The following ERBB4 variants were observed in gnomAD, a reference collection of about 807,000 sequenced individuals.
The protein encoded by ERBB4 is receptor tyrosine-protein kinase erbB-4.
In ERBB4, 42 loss-of-function variants were observed where a neutral mutation model predicts 158.0. The observed-to-expected ratio is 0.27, with a 90% CI of 0.21 to 0.34. ERBB4 has a LOEUF of 0.34. Among genes scored for constraint, ERBB4 ranks in the 10% least tolerant of loss-of-function variants. The probability of loss-of-function intolerance (pLI) is 1.00; values close to 1 mark genes in which losing one functional copy is unlikely to be tolerated. For missense variants in ERBB4, 1,333 were observed against 1,624.1 expected, an observed-to-expected ratio of 0.82 and a Z score of 3.08; for synonymous variants, 583 against 558.7, an observed-to-expected ratio of 1.04 and a Z score of -0.61.
intron 1 of ERBB4, among the ~76,000 whole-genome samples, chr2:212,191,585 TATATATAACAC>T (rs1559701608): frequency 7.0e-6 from 1 of 143,838 alleles, no homozygotes; most frequent in Non-Finnish European, 1.5e-5. Flanking sequence ...TTATGCCTGT[TATATATAACAC>T]ATGTGTTATG....
intron 20 of ERBB4, among the ~76,000 whole-genome samples, chr2:211,534,026 T>TA (rs2066576834): frequency 6.6e-6 from 1 of 152,124 alleles, no homozygotes; most frequent in African/African-American, 2.4e-5. Context: ...ACTAATTATA[T>TA]ATCATTGCTA....
rs1203877431 is a variant in ERBB4, at chr2:211,861,113, ATATATATATTT to A, written c.422-72965_422-72955del. Among the ~76,000 whole-genome samples the A allele has an allele frequency of 3.2e-3, 96 of 30,116 alleles. 8 individuals carry two copies. The highest frequency in any genetic ancestry group is 0.013 in the African/African-American group (90 of 6,760). 19.8% of individuals were successfully genotyped at this position (30,116 alleles called of 152,430 possible). On this transcript the variant is annotated intron_variant, in intron 3 of 27. Coordinates refer to ENST00000342788, the MANE Select transcript of ERBB4 (RefSeq NM_005235.3). The stretch of plus-strand genomic sequence containing the variant: ...ATATATAAATACATTATATATATTT[ATATATATATTT>A]TATATATATATATATATATATATAT...
chr2:212,500,046 T>G (rs1690799118), intron 1 of ERBB4, among the ~76,000 whole-genome samples: 2 of 152,100 alleles, frequency 1.3e-5, no homozygotes, highest in South Asian at 4.1e-4. Context: ...TATAATCCCT[T>G]TCCCCGGAAT....
intron 3 of ERBB4, among the ~76,000 whole-genome samples, chr2:211,872,215 T>A (rs1172789548): frequency 2.0e-5 from 3 of 152,244 alleles, no homozygotes; most frequent in Non-Finnish European, 2.9e-5. Context: ...AGGGTTAGTA[T>A]TTGATCTTGT....
intron 1 of ERBB4, among the ~76,000 whole-genome samples, chr2:212,470,247 T>C (rs1689048799): frequency 6.6e-6 from 1 of 152,092 alleles, no homozygotes; most frequent in Admixed American, 6.6e-5. Context: ...ATTATGTTCT[T>C]ACAACACATC....
chr2:211,562,536 G>C (rs1473353995), intron 19 of ERBB4, among the ~76,000 whole-genome samples: 2 of 151,914 alleles, frequency 1.3e-5, no homozygotes, highest in Non-Finnish European at 2.9e-5. Context: ...TTGGTGTAGA[G>C]TTGGACAGCT....
At chr2:211,568,115 T>C (rs1404613865) in intron 19 of ERBB4, among the ~76,000 whole-genome samples, 2 of 151,320 alleles carry the variant, frequency 1.3e-5, no homozygotes, top group African/African-American at 2.4e-5. Flanking sequence ...TTATTCTGTC[T>C]TTTTTTTCCT....
intron 19 of ERBB4, among the ~76,000 whole-genome samples, chr2:211,610,169 G>T (rs1228011367): frequency 6.6e-6 from 1 of 151,740 alleles, no homozygotes. Flanking sequence ...AGATACATAT[G>T]TCTTTTTATT....
chr2:211,880,033 C>A (rs1326254021), intron 3 of ERBB4, among the ~76,000 whole-genome samples: 1 of 150,894 alleles, frequency 6.6e-6, no homozygotes, highest in East Asian at 1.9e-4. Flanking sequence ...AACATATAGT[C>A]TCATAAGTAC....
At chr2:211,801,838 T>A (rs1212729693) in intron 3 of ERBB4, among the ~76,000 whole-genome samples, 1 of 152,222 alleles carries the variant, frequency 6.6e-6, no homozygotes, top group Non-Finnish European at 1.5e-5. Context: ...AGGGCATGTG[T>A]TTATATAGTT....
intron 1 of ERBB4, among the ~76,000 whole-genome samples, chr2:212,211,182 C>G (rs1483105171): frequency 6.6e-6 from 1 of 152,146 alleles, no homozygotes; most frequent in Non-Finnish European, 1.5e-5. Flanking sequence ...CTACCATCAT[C>G]TAATGCTTGC....
At chr2:212,094,687 C>T (rs1324605878) in intron 2 of ERBB4, among the ~76,000 whole-genome samples, 1 of 152,140 alleles carries the variant, frequency 6.6e-6, no homozygotes. Context: ...CCTGAGGCCT[C>T]ATCAGAAGCT....
chr2:211,759,175 T>G (rs1266049781), intron 4 of ERBB4, among the ~76,000 whole-genome samples: 1 of 152,160 alleles, frequency 6.6e-6, no homozygotes, highest in East Asian at 1.9e-4. Flanking sequence ...CATGAACATA[T>G]CTCGTTGTCT....
chr2:211,543,809 G>A (rs1036611924), intron 20 of ERBB4, among the ~76,000 whole-genome samples: 6 of 150,222 alleles, frequency 4.0e-5, no homozygotes, highest in Admixed American at 1.3e-4. Flanking sequence ...TTTCAATAAT[G>A]TTTCTCCAAG....
At chr2:212,418,594 A>G (rs1320485036) in intron 1 of ERBB4, among the ~76,000 whole-genome samples, 1 of 151,348 alleles carries the variant, frequency 6.6e-6, no homozygotes, top group Non-Finnish European at 1.5e-5. Context: ...GTTCCCTTGA[A>G]TCATAAGAAC....
chr2:212,463,039 C>T (rs570813115), intron 1 of ERBB4, among the ~76,000 whole-genome samples: 11 of 151,818 alleles, frequency 7.2e-5, no homozygotes, highest in Non-Finnish European at 1.3e-4. Flanking sequence ...TCATTCATGT[C>T]GAAATTGAAA....
chr2:212,495,251 T>C (rs1477294540), intron 1 of ERBB4, among the ~76,000 whole-genome samples: 1 of 151,510 alleles, frequency 6.6e-6, no homozygotes, highest in Non-Finnish European at 1.5e-5. Flanking sequence ...AGAGTACTGT[T>C]CTTATGTAAT....
At chr2:211,466,179 C>A (rs191047043) in intron 20 of ERBB4, among the ~76,000 whole-genome samples, 1 of 151,982 alleles carries the variant, frequency 6.6e-6, no homozygotes, top group Non-Finnish European at 1.5e-5. Context: ...ATATTGCAAA[C>A]GCTTTATGAA....
At chr2:211,957,339 T>C (rs1411835416) in intron 2 of ERBB4, among the ~76,000 whole-genome samples, 2 of 151,770 alleles carry the variant, frequency 1.3e-5, no homozygotes, top group Non-Finnish European at 2.9e-5. Flanking sequence ...CAGAGAGAAG[T>C]TGGTCATCTA....
Sources: gnomAD v4.1 joint callset for allele counts (sites outside exome capture counted in the v4.1 genomes callset) on GRCh38, gnomAD v4.1.1 for gene constraint, MANE v1.5 for transcripts, NCBI Gene and HGNC (gene_info 2026-07-23, HGNC 2026-07-21) for gene names.